The following NXPH1 variants were observed in gnomAD, a reference collection of about 807,000 sequenced individuals.
NXPH1 encodes the protein neurexophilin 1.
NXPH1 carries 5 observed loss-of-function variants against 23.7 expected under a neutral mutation model. The ratio of observed to expected loss-of-function variants is 0.21; its 90% CI spans 0.11 to 0.44. NXPH1 has a LOEUF of 0.44. NXPH1 is among the 20% of genes least tolerant of loss of function. The pLI, the probability that NXPH1 is intolerant of heterozygous loss-of-function variation, is 0.99. For synonymous variants in NXPH1, 144 were observed against 122.2 expected, an observed-to-expected ratio of 1.18 and a Z score of -1.18; for missense variants, 324 against 321.6, an observed-to-expected ratio of 1.01 and a Z score of -0.06.
chr7:8,744,330 C>T (rs901780227), intron 2 of NXPH1, among the ~76,000 whole-genome samples: 6 of 152,114 alleles, frequency 3.9e-5, no homozygotes, highest in African/African-American at 1.4e-4. Flanking sequence ...AAATTATCCT[C>T]AGGAAGTATA....
intron 2 of NXPH1, among the ~76,000 whole-genome samples, chr7:8,652,279 T>A (rs1197004265): frequency 2.6e-5 from 4 of 152,194 alleles, no homozygotes; most frequent in Non-Finnish European, 1.5e-5. Context: ...TACATTTTGA[T>A]ATAAACTCCC....
At chr7:8,596,051 AAAC>A (rs778772132) in intron 2 of NXPH1, among the ~76,000 whole-genome samples, 72 of 152,248 alleles carry the variant, frequency 4.7e-4, no homozygotes, top group Non-Finnish European at 2.5e-4. Flanking sequence ...ATGTCACAGA[AAAC>A]AAATGGTATA....
At chr7:8,436,150 G>C (rs1388570852) in intron 2 of NXPH1, among the ~76,000 whole-genome samples, 1 of 152,112 alleles carries the variant, frequency 6.6e-6, no homozygotes, top group East Asian at 1.9e-4. Context: ...TAGTTGGGTG[G>C]TGGAAAGAAC....
At chr7:8,464,501 T>G (rs915859305) in intron 2 of NXPH1, among the ~76,000 whole-genome samples, 1 of 152,160 alleles carries the variant, frequency 6.6e-6, no homozygotes, top group South Asian at 2.1e-4. Context: ...CAAAATGTCT[T>G]CCTGATATTT....
intron 2 of NXPH1, among the ~76,000 whole-genome samples, chr7:8,627,426 T>C (rs1417223912): frequency 6.6e-6 from 1 of 152,128 alleles, no homozygotes; most frequent in East Asian, 1.9e-4. Context: ...TAATATCTCA[T>C]ATAAAACAAA....
intron 2 of NXPH1, among the ~76,000 whole-genome samples, chr7:8,586,208 G>T (rs1195032471): frequency 6.6e-6 from 1 of 152,054 alleles, no homozygotes; most frequent in East Asian, 1.9e-4. Context: ...TAAAATGCTG[G>T]AAATTCAAAT....
At chr7:8,529,623 CTCAA>C (rs1817921059) in intron 2 of NXPH1, among the ~76,000 whole-genome samples, 7 of 152,132 alleles carry the variant, frequency 4.6e-5, no homozygotes, top group Admixed American at 2.0e-4. Context: ...AATTTATTAA[CTCAA>C]TCAAATTATT....
At chr7:8,621,490 C>CT (rs113473603) in intron 2 of NXPH1, among the ~76,000 whole-genome samples, 1,443 of 140,216 alleles carry the variant, frequency 0.01, 23 homozygotes, top group African/African-American at 0.027. Flanking sequence ...GCTAGCCACT[C>CT]TTTTTTTTTT....
At chr7:8,747,744 T>C (rs1210924366) in intron 2 of NXPH1, among the ~76,000 whole-genome samples, 1 of 151,620 alleles carries the variant, frequency 6.6e-6, no homozygotes, top group Non-Finnish European at 1.5e-5. Flanking sequence ...ATTCAGATGT[T>C]TAATCAATTA....
At chr7:8,546,726 C>T (rs1402771343) in intron 2 of NXPH1, among the ~76,000 whole-genome samples, 1 of 151,500 alleles carries the variant, frequency 6.6e-6, no homozygotes, top group East Asian at 2.0e-4. Flanking sequence ...CTTCCCTGCT[C>T]CATCCCCTAC....
chr7:8,642,739 G>T (rs1820337774), intron 2 of NXPH1, among the ~76,000 whole-genome samples: 1 of 151,952 alleles, frequency 6.6e-6, no homozygotes, highest in Admixed American at 6.6e-5. Context: ...AATTGTCCAA[G>T]ACATCTAGGT....
At chr7:8,659,460 T>C (rs1169660445) in intron 2 of NXPH1, among the ~76,000 whole-genome samples, 1 of 152,198 alleles carries the variant, frequency 6.6e-6, no homozygotes, top group Non-Finnish European at 1.5e-5. Flanking sequence ...GAAACCGTCA[T>C]TCTCAGCAAA....
At chr7:8,665,540 T>C (rs1472111065) in intron 2 of NXPH1, among the ~76,000 whole-genome samples, 1 of 152,064 alleles carries the variant, frequency 6.6e-6, no homozygotes, top group Non-Finnish European at 1.5e-5. Flanking sequence ...CAGTTTTTTT[T>C]CTATTTCTGG....
chr7:8,541,383 T>C (rs1367785950), intron 2 of NXPH1, among the ~76,000 whole-genome samples: 8 of 151,596 alleles, frequency 5.3e-5, no homozygotes, highest in African/African-American at 1.9e-4. Context: ...TTAAGGTCAC[T>C]GAAGGAAAGG....
At chr7:8,471,728 T>C (rs148337038) in intron 2 of NXPH1, among the ~76,000 whole-genome samples, 247 of 152,324 alleles carry the variant, frequency 1.6e-3, no homozygotes, top group African/African-American at 5.6e-3. Context: ...GTGAAGGTTT[T>C]TCTTTACTCA....
intron 2 of NXPH1, among the ~76,000 whole-genome samples, chr7:8,511,566 A>G (rs910484109): frequency 1.3e-5 from 2 of 152,126 alleles, no homozygotes; most frequent in Non-Finnish European, 2.9e-5. Flanking sequence ...GGAGATGAAC[A>G]GCCTAATAGT....
intron 2 of NXPH1, among the ~76,000 whole-genome samples, chr7:8,654,757 C>G (rs980375382): frequency 5.9e-5 from 9 of 152,180 alleles, no homozygotes; most frequent in African/African-American, 2.2e-4. Flanking sequence ...CTGCCTGCTC[C>G]AAATAATTCC....
intron 2 of NXPH1, among the ~76,000 whole-genome samples, chr7:8,508,236 G>C (rs1817561671): frequency 6.6e-6 from 1 of 152,006 alleles, no homozygotes; most frequent in African/African-American, 2.4e-5. Flanking sequence ...CATATTTATA[G>C]GTATATTTCA....
chr7:8,647,019 A>G (rs546089629), intron 2 of NXPH1, among the ~76,000 whole-genome samples: 2 of 152,236 alleles, frequency 1.3e-5, no homozygotes, highest in South Asian at 4.1e-4. Flanking sequence ...AGATGGGACC[A>G]TAGAACAGTC....
Sources: allele counts gnomAD v4.1 joint callset (sites outside exome capture counted in the v4.1 genomes callset), GRCh38; gene constraint gnomAD v4.1.1; transcripts MANE v1.5; gene names NCBI Gene and HGNC (gene_info 2026-07-23, HGNC 2026-07-21).